The following AJAP1 variants were observed in gnomAD, a reference collection of about 807,000 sequenced individuals.
AJAP1 encodes the protein adherens junction-associated protein 1.
AJAP1 carries 5 observed loss-of-function variants against 35.0 expected under a neutral mutation model. The observed-to-expected ratio is 0.14, with a 90% CI of 0.07 to 0.30. The LOEUF (loss-of-function observed/expected upper bound fraction) is 0.30, where lower values mean the gene tolerates loss of function less well. Among genes scored for constraint, AJAP1 ranks in the 10% least tolerant of loss-of-function variants. The pLI is 1.00. For missense variants in AJAP1, 586 were observed against 571.0 expected, an observed-to-expected ratio of 1.03 and a Z score of -0.27; for synonymous variants, 284 against 249.3, an observed-to-expected ratio of 1.14 and a Z score of -1.31.
Position 4,723,242 on chromosome 1 carries a change from C to T in AJAP1, c.829+10543C>T, listed in dbSNP as rs1640562933. Among the ~76,000 whole-genome samples the T allele has an allele frequency of 1.3e-5, 2 of 152,256 alleles. No individual in the cohort carries two copies. Among genetic ancestry groups the T allele is most frequent in the Admixed American group, 6.5e-5 (1 of 15,304 alleles). On this transcript the variant is annotated intron_variant, in intron 2 of 5. Coordinates refer to ENST00000378191, the MANE Select transcript of AJAP1 (RefSeq NM_018836.4). The surrounding 1 kb of genome is among the most constrained non-coding windows in gnomAD (Gnocchi z 4.3). ...AGCAGATTGGAAGGAGCCCTTGGGA[C>T]GGGACCTTCACTCTTGTGACATCCA...
At position 4,712,489 on chromosome 1, in the gene AJAP1, T is replaced by C. The variant is rs1164854432; in HGVS notation, c.619T>C (p.Ser207Pro). ...FPGVYGPTTV[S>P]ILQTRKTTVA... ...GGGCGTTTACGGCCCCACCACGGTC[T>C]CCATCCTACAAACACGGAAGACAAC... The change falls in exon 2 of 6, where the codon TCC becomes CCC. Residue 207 changes from serine to proline, a missense_variant. By Grantham distance (74) the Ser-to-Pro change is moderately conservative (BLOSUM62 -1). Coordinates refer to ENST00000378191, the MANE Select transcript of AJAP1 (RefSeq NM_018836.4). The C allele has an allele frequency of 6.2e-7, 1 of 1,612,312 alleles. No individual in the cohort carries two copies. The highest frequency in any genetic ancestry group is 1.3e-5 in the African/African-American group (1 of 74,790).
At chr1:4,768,329 C>CTGTT (rs113666131) in intron 2 of AJAP1, among the ~76,000 whole-genome samples, 40,935 of 151,986 alleles carry the variant, frequency 0.27, 5,949 homozygotes, top group Admixed American at 0.35. Flanking sequence ...TTGCCGGATG[C>CTGTT]TGTTATTCTG....
At chr1:4,746,605 C>G (rs1393361330) in intron 2 of AJAP1, among the ~76,000 whole-genome samples, 3 of 152,298 alleles carry the variant, frequency 2.0e-5, no homozygotes, top group African/African-American at 7.2e-5. Flanking sequence ...ACTCCAGGTG[C>G]CTTCTAAGGC....
Position 4,712,673 on chromosome 1 carries a change from C to T in AJAP1, c.803C>T (p.Pro268Leu). Residue 268 changes from proline to leucine, a missense_variant, in exon 2 of 6, where the codon CCC (proline) becomes CTC (leucine). By Grantham distance (98) the Pro-to-Leu change is moderately conservative (BLOSUM62 -3). Transcript: ENST00000378191. Reference sequence around the variant, plus strand: ...AGCAACAACGGGGAAGTCACCCAGCCCCCAAGGATTCTGGGGGAGGCCTCA... The same window carrying T: ...AGCAACAACGGGGAAGTCACCCAGCTCCCAAGGATTCTGGGGGAGGCCTCA... The part of the protein sequence containing the change: ...SPSNNGEVTQ[P>L]PRILGEASGL... 6.6e-7 allele frequency: 1 copy of T among 1,516,540 alleles called. No individual in the cohort carries two copies. The highest frequency in any genetic ancestry group is 2.4e-5 in the East Asian group (1 of 42,126). 93.9% of individuals were successfully genotyped at this position (1,516,540 alleles called of 1,614,324 possible).
rs188205294 is a variant in AJAP1 at position 4,732,656 on chromosome 1, G to A, written c.829+19957G>A. Among the ~76,000 whole-genome samples the A allele has an allele frequency of 8.5e-5, 13 of 152,358 alleles. No individual in the cohort carries two copies. In the East Asian group the frequency reaches 1.9e-3, roughly 23 times the overall value. ...TGTGCCTGTGCAGGCAGGTGAGAGC[G>A]GCTTCACAGCAACGCAGGAGTGAGG... On this transcript the variant is annotated intron_variant, in intron 2 of 5. Coordinates refer to ENST00000378191, the MANE Select transcript of AJAP1 (RefSeq NM_018836.4).
chr1:4,674,956 A>G lies in AJAP1; in HGVS notation c.29+19502A>G, dbSNP rs149607646. Among the ~76,000 whole-genome samples, 738 of 152,342 alleles carry G rather than the reference A, an allele frequency of 4.8e-3. 18 individuals carry two copies. The highest frequency in any genetic ancestry group is 0.041 in the Admixed American group (630 of 15,304). On this transcript the variant is annotated intron_variant, in intron 1 of 5. Coordinates refer to ENST00000378191, the MANE Select transcript of AJAP1 (RefSeq NM_018836.4). ...GCGTGAGTCACGTTGCCATGTGGCCATGGAGGAGTCGTCTCAGGCACTGGC... is the reference window on the plus strand; with the variant it reads ...GCGTGAGTCACGTTGCCATGTGGCCGTGGAGGAGTCGTCTCAGGCACTGGC...
chr1:4,662,994 G>A (rs1251245505), intron 1 of AJAP1, among the ~76,000 whole-genome samples: 7 of 152,176 alleles, frequency 4.6e-5, no homozygotes, highest in Admixed American at 1.3e-4. Flanking sequence ...CACGTGGAAA[G>A]TGTGGGCTTC....
chr1:4,790,836 G>A lies in AJAP1; in HGVS notation c.*8351G>A, dbSNP rs1457999245. 6.6e-6 allele frequency: 1 copy of A among 152,184 alleles called. No homozygotes were observed. The highest frequency in any genetic ancestry group is 2.4e-5 in the African/African-American group (1 of 41,454). 9.4% of individuals were successfully genotyped at this position (152,184 alleles called of 1,614,324 possible). A position where few individuals can be genotyped will look rare whatever the true frequency, so the allele number is the denominator to read the frequency against. On this transcript the variant is annotated 3_prime_UTR_variant, in exon 6 of 6. Transcript: ENST00000378191. ...TTTCTGCTCCTTCAAACAGTGTGTC[G>A]ATATGAAACATTGAGATTTGGCAGA...
At chr1:4,729,874 T>G (rs562708057) in intron 2 of AJAP1, among the ~76,000 whole-genome samples, 1 of 152,326 alleles carries the variant, frequency 6.6e-6, no homozygotes, top group Non-Finnish European at 1.5e-5. Flanking sequence ...TAGTCACATC[T>G]GCAAAGATCC....
chr1:4,753,180 C>G (rs577479111), intron 2 of AJAP1, among the ~76,000 whole-genome samples: 2 of 152,192 alleles, frequency 1.3e-5, no homozygotes, highest in South Asian at 2.1e-4. Context: ...TCTTTCATCC[C>G]CAACATGGAA....
intron 1 of AJAP1, among the ~76,000 whole-genome samples, chr1:4,687,206 C>T (rs12097542): frequency 0.011 from 1,687 of 152,340 alleles, 30 homozygotes; most frequent in African/African-American, 0.036. Flanking sequence ...AGAATGCAGG[C>T]TTGAGGACCT....
chr1:4,725,634 C>T (rs1360124521), intron 2 of AJAP1, among the ~76,000 whole-genome samples: 1 of 152,096 alleles, frequency 6.6e-6, no homozygotes, highest in Non-Finnish European at 1.5e-5. Flanking sequence ...CCTCCTGTGC[C>T]GGTGTCCTGG....
intron 1 of AJAP1, among the ~76,000 whole-genome samples, chr1:4,657,576 C>T (rs1164881064): frequency 6.6e-6 from 1 of 152,174 alleles, no homozygotes; most frequent in African/African-American, 2.4e-5. Flanking sequence ...CTCCGCGGCT[C>T]CCTAGGTGAG....
rs758737915 is a variant in AJAP1 at position 4,789,797 on chromosome 1, G to A, written c.*7312G>A. 1.3e-5 allele frequency: 2 copies of A among 152,330 alleles called. No individual in the cohort carries two copies. The highest frequency in any genetic ancestry group is 4.8e-5 in the African/African-American group (2 of 41,410). The allele number at this position is 152,330 out of a possible 1,614,324, so 9.4% of individuals were successfully genotyped here. A position where few individuals can be genotyped will look rare whatever the true frequency, so the allele number is the denominator to read the frequency against. On this transcript the variant is annotated 3_prime_UTR_variant, in exon 6 of 6. Coordinates refer to ENST00000378191, the MANE Select transcript of AJAP1 (RefSeq NM_018836.4). The surrounding 1 kb of genome is among the most constrained non-coding windows in gnomAD (Gnocchi z 4.4). Reference sequence around the variant, plus strand: ...AGTCGTAAGCTCTGTTTTTTGTTTTGTTTTGTTTTGTTTTGTTTTCGGCAC... The same window carrying A: ...AGTCGTAAGCTCTGTTTTTTGTTTTATTTTGTTTTGTTTTGTTTTCGGCAC...
Position 4,787,913 on chromosome 1 carries a change from G to C in AJAP1, c.*5428G>C, listed in dbSNP as rs1438833013. ...AACAGCATCTGCTTTTAAGTAAGCA[G>C]CTATTCCAAAACATGCCGTGATTCA... is the stretch of plus-strand genomic sequence containing the variant. On this transcript the variant is annotated 3_prime_UTR_variant, in exon 6 of 6. Coordinates refer to ENST00000378191, the MANE Select transcript of AJAP1 (RefSeq NM_018836.4). 1 of 343,176 alleles carries C rather than the reference G, an allele frequency of 2.9e-6. No homozygotes were observed. The highest frequency in any genetic ancestry group is 2.1e-5 in the South Asian group (1 of 46,652). 21.3% of individuals were successfully genotyped at this position (343,176 alleles called of 1,614,324 possible).
At chr1:4,771,604 A>G (rs1641837791) in intron 3 of AJAP1, among the ~76,000 whole-genome samples, 1 of 152,148 alleles carries the variant, frequency 6.6e-6, no homozygotes, top group South Asian at 2.1e-4. Context: ...GAGTCCCTGG[A>G]CAGACGAGGG....
chr1:4,724,843 G>A (rs1277769840), intron 2 of AJAP1, among the ~76,000 whole-genome samples: 5 of 152,256 alleles, frequency 3.3e-5, no homozygotes, highest in African/African-American at 9.6e-5. Context: ...AGGTGAAAGA[G>A]AAAGAGGAAA....
chr1:4,677,838 T>C (rs1010529161), intron 1 of AJAP1, among the ~76,000 whole-genome samples: 5 of 152,262 alleles, frequency 3.3e-5, no homozygotes, highest in Non-Finnish European at 7.3e-5. Context: ...TTCCTTTCTC[T>C]GTCCATTGTG....
intron 2 of AJAP1, among the ~76,000 whole-genome samples, chr1:4,736,554 T>C (rs191264688): frequency 6.6e-6 from 1 of 152,312 alleles, no homozygotes; most frequent in East Asian, 1.9e-4. Context: ...TTTATATGTA[T>C]AAATAACTGC....
Sources: gnomAD v4.1 joint callset for allele counts (sites outside exome capture counted in the v4.1 genomes callset) on GRCh38, gnomAD v4.1.1 for gene constraint, Gnocchi (gnomAD v3.1) non-coding constraint, MANE v1.5 for transcripts, NCBI Gene and HGNC (gene_info 2026-07-23, HGNC 2026-07-21) for gene names.